Variants in CATSPERB observed in about 807,000 individuals in gnomAD.
CATSPERB encodes catsper channel auxiliary subunit beta, also known as cation channel sperm-associated auxiliary subunit beta.
Under a neutral mutation model 128.3 loss-of-function variants are expected in CATSPERB, and 93 were observed. The ratio of observed to expected loss-of-function variants is 0.72; its 90% CI spans 0.61 to 0.86. The LOEUF is 0.86. Among genes scored for constraint, CATSPERB ranks in the 40% least tolerant of loss-of-function variants. CATSPERB has a pLI of 0.00. For synonymous variants in CATSPERB, 381 were observed against 448.8 expected (o/e 0.85, Z 1.91); for missense variants, 1,153 against 1,329.5 (o/e 0.87, Z 2.06).
At chr14:91,661,693 C>T (rs1401918148) in intron 14 of CATSPERB, among the ~76,000 whole-genome samples, 7 of 151,842 alleles carry the variant, frequency 4.6e-5, no homozygotes, top group East Asian at 1.9e-4. Context: ...CCACCATGCC[C>T]GGCTAATTTT....
intron 11 of CATSPERB, among the ~76,000 whole-genome samples, chr14:91,676,500 A>G (rs1252534390): frequency 3.3e-5 from 5 of 151,570 alleles, no homozygotes; most frequent in African/African-American, 1.2e-4. Context: ...AAAGTTAATC[A>G]GAGTTCTAAA....
At chr14:91,596,405 T>G (rs1246867750) in intron 22 of CATSPERB, among the ~76,000 whole-genome samples, 2 of 151,938 alleles carry the variant, frequency 1.3e-5, no homozygotes, top group Admixed American at 6.6e-5. Flanking sequence ...GGGTTTCACC[T>G]TGTTAGCCAG....
intron 4 of CATSPERB, among the ~76,000 whole-genome samples, chr14:91,722,498 AG>A (rs1033519599): frequency 1.1e-4 from 17 of 152,056 alleles, no homozygotes; most frequent in Non-Finnish European, 2.1e-4. Context: ...TGGGGAGTGG[AG>A]GGGGGATTGG....
rs58608847 is a variant in CATSPERB at position 91,652,670 on chromosome 14, C to CAAAAAA, written c.1432+7161_1432+7166dup. Among the ~76,000 whole-genome samples the CAAAAAA allele has an allele frequency of 1.1e-3, 74 of 69,208 alleles. 1 individual carries two copies. Among genetic ancestry groups the CAAAAAA allele is most frequent in the Non-Finnish European group, 1.4e-3 (56 of 39,848 alleles). The allele number at this position is 69,208 out of a possible 152,430, so 45.4% of individuals were successfully genotyped here. ...TGAGCAACAGAGCAAGACTCTGTCT[C>CAAAAAA]AAAAAAAAAAAAAAAAAAAAAAAAA... On this transcript the variant is annotated intron_variant, in intron 15 of 26. Coordinates refer to ENST00000256343, the MANE Select transcript of CATSPERB (RefSeq NM_024764.4).
In CATSPERB at chr14:91,674,131, T is replaced by A. The variant is rs1464350928; in HGVS notation, c.978+45A>T. ...TAATCCCAATCCATGAAGTCCCCAA[T>A]CCCACAACAAAATTTCTTAACTTAT... On this transcript the variant is annotated intron_variant, in intron 12 of 26. Transcript: ENST00000256343. 2.6e-6 allele frequency: 3 copies of A among 1,139,346 alleles called. No individual in the cohort carries two copies. The African/African-American group carries it at 4.7e-5, about 18-fold the overall frequency. The allele number at this position is 1,139,346 out of a possible 1,614,324, so 70.6% of individuals were successfully genotyped here.
At chr14:91,647,334 C>G (rs192855375) in intron 15 of CATSPERB, among the ~76,000 whole-genome samples, 1 of 152,306 alleles carries the variant, frequency 6.6e-6, no homozygotes, top group East Asian at 1.9e-4. Context: ...TCTATATTCT[C>G]ACTACCTGGG....
chr14:91,683,816 C>T, intron 11 of CATSPERB, 61 bp downstream of exon 11: 2 of 1,008,054 alleles, frequency 2.0e-6, no homozygotes, highest in Non-Finnish European at 3.0e-6. Context: ...GCTGAGCTTG[C>T]ATTCAGTTAC....
At chr14:91,651,817 T>C (rs1417501499) in intron 15 of CATSPERB, among the ~76,000 whole-genome samples, 2 of 152,108 alleles carry the variant, frequency 1.3e-5, no homozygotes, top group Non-Finnish European at 2.9e-5. Context: ...TATGGATATA[T>C]TGGAGAGCTT....
chr14:91,626,445 A>G (rs1177995638), intron 17 of CATSPERB, among the ~76,000 whole-genome samples: 1 of 146,220 alleles, frequency 6.8e-6, no homozygotes, highest in Non-Finnish European at 1.5e-5. Flanking sequence ...GCTCACTGCA[A>G]CCTGAGAGGT....
chr14:91,700,955 C>T (rs1022077259), intron 7 of CATSPERB, among the ~76,000 whole-genome samples: 1 of 151,986 alleles, frequency 6.6e-6, no homozygotes, highest in Non-Finnish European at 1.5e-5. Context: ...ATGTACCTCC[C>T]CTCAAATCTA....
intron 9 of CATSPERB, among the ~76,000 whole-genome samples, chr14:91,692,703 G>C (rs1273453303): frequency 6.6e-6 from 1 of 152,088 alleles, no homozygotes; most frequent in Admixed American, 6.6e-5. Flanking sequence ...TTTATGGTAT[G>C]CATATTAACA....
chr14:91,653,441 T>C (rs939867756), intron 15 of CATSPERB, among the ~76,000 whole-genome samples: 19 of 152,248 alleles, frequency 1.2e-4, no homozygotes, highest in Middle Eastern at 3.4e-3. Context: ...GAAGGTGTAT[T>C]GGTCCCTTTT....
chr14:91,688,853 T>C (rs1036018274), intron 10 of CATSPERB, among the ~76,000 whole-genome samples: 4 of 152,142 alleles, frequency 2.6e-5, no homozygotes, highest in Non-Finnish European at 4.4e-5. Context: ...AGGTGCTCAC[T>C]GGGTATCTGT....
chr14:91,644,072 C>T lies in CATSPERB; in HGVS notation c.1433-4822G>A, dbSNP rs1217143934. ...GTTTTCCATTTGCTTGGTAGATCTT[C>T]CTCCATCTTTTTATTTTGAGCCTAT... On this transcript the variant is annotated intron_variant, in intron 15 of 26. Coordinates refer to ENST00000256343, the MANE Select transcript of CATSPERB (RefSeq NM_024764.4). 1.5e-5 allele frequency among the ~76,000 whole-genome samples: 2 copies of T among 137,388 alleles called. 1 individual carries two copies. The highest frequency in any genetic ancestry group is 3.2e-5 in the Non-Finnish European group (2 of 62,548). The allele number at this position is 137,388 out of a possible 152,430, so 90.1% of individuals were successfully genotyped here.
intron 21 of CATSPERB, among the ~76,000 whole-genome samples, chr14:91,609,704 A>G (rs905251875): frequency 1.3e-5 from 2 of 152,104 alleles, no homozygotes; most frequent in African/African-American, 4.8e-5. Context: ...CCAACTTTTT[A>G]TTAATTTTTT....
At chr14:91,596,257 G>A (rs1434617161) in intron 22 of CATSPERB, among the ~76,000 whole-genome samples, 2 of 152,138 alleles carry the variant, frequency 1.3e-5, no homozygotes, top group South Asian at 4.2e-4. Context: ...AGGCTGGAGT[G>A]CAGTGGCACA....
intron 6 of CATSPERB, among the ~76,000 whole-genome samples, chr14:91,706,348 T>G (rs1213723445): frequency 6.6e-6 from 1 of 152,120 alleles, no homozygotes; most frequent in Non-Finnish European, 1.5e-5. Context: ...TTGCAGACCA[T>G]TCACACCCAG....
At chr14:91,718,804 C>A (rs1485563189) in intron 5 of CATSPERB, among the ~76,000 whole-genome samples, 3 of 152,010 alleles carry the variant, frequency 2.0e-5, no homozygotes, top group African/African-American at 7.2e-5. Context: ...AAATAAATTT[C>A]TTCTTTTTCC....
chr14:91,726,887 G>A (rs1212695219), intron 2 of CATSPERB, among the ~76,000 whole-genome samples: 4 of 152,114 alleles, frequency 2.6e-5, no homozygotes, highest in Admixed American at 2.6e-4. Context: ...GGAGCAGGAA[G>A]GGTCAAAACC....
Sources: allele counts gnomAD v4.1 joint callset (sites outside exome capture counted in the v4.1 genomes callset), GRCh38; gene constraint gnomAD v4.1.1; transcripts MANE v1.5; gene names NCBI Gene and HGNC (gene_info 2026-07-23, HGNC 2026-07-21).